The following MEF2C variants were observed in gnomAD, a reference collection of about 807,000 sequenced individuals.
MEF2C encodes the protein myocyte enhancer factor 2C.
In MEF2C, 6 loss-of-function variants were observed where a neutral mutation model predicts 50.5. The ratio of observed to expected loss-of-function variants is 0.12; its 90% CI spans 0.07 to 0.23. MEF2C has a LOEUF of 0.23. Among genes scored for constraint, MEF2C ranks in the 10% least tolerant of loss-of-function variants. The probability of loss-of-function intolerance (pLI) is 1.00; values close to 1 mark genes in which losing one functional copy is unlikely to be tolerated. For missense variants in MEF2C, 276 were observed against 605.0 expected (o/e 0.46, Z 5.70); for synonymous variants, 183 against 228.0 (o/e 0.80, Z 1.78).
chr5:88,740,899 C>G, intron 6 of MEF2C: 1 of 985,302 alleles, frequency 1.0e-6, no homozygotes, highest in Non-Finnish European at 1.2e-6. Flanking sequence ...TTGACACAAT[C>G]GCTCATTCTT....
chr5:88,804,478 T>A, intron 3 of MEF2C, 120 bp downstream of exon 3: 1 of 839,972 alleles, frequency 1.2e-6, no homozygotes, highest in Non-Finnish European at 1.9e-6. Context: ...CCTGGGTCTA[T>A]CTATGGGACT....
At chr5:88,821,339 G>A (rs1408001034) in intron 2 of MEF2C, among the ~76,000 whole-genome samples, 6 of 151,856 alleles carry the variant, frequency 4.0e-5, no homozygotes, top group African/African-American at 1.4e-4. Flanking sequence ...ACATGATCAC[G>A]GCTCACTGCA....
chr5:88,731,282 C>T (rs1411070087), intron 7 of MEF2C, among the ~76,000 whole-genome samples: 1 of 152,120 alleles, frequency 6.6e-6, no homozygotes, highest in Non-Finnish European at 1.5e-5. Context: ...TGCTAATTAA[C>T]AGGAGAAAGT....
At chr5:88,751,803 C>T (rs1297295629) in intron 5 of MEF2C, 54 bp downstream of exon 5, 80 of 1,566,312 alleles carry the variant, frequency 5.1e-5, no homozygotes, top group Non-Finnish European at 6.1e-5. Flanking sequence ...TTGGCTTTGC[C>T]GAAAATGGTT....
intron 3 of MEF2C, among the ~76,000 whole-genome samples, chr5:88,795,304 T>C (rs536856621): frequency 2.0e-5 from 3 of 152,332 alleles, no homozygotes; most frequent in Admixed American, 6.5e-5. Flanking sequence ...TTTGTTTGTG[T>C]CCTCTCTTAT....
At chr5:88,770,127 T>C in intron 3 of MEF2C, 1 of 437,382 alleles carries the variant, frequency 2.3e-6, no homozygotes, top group Non-Finnish European at 3.0e-6. Context: ...TAATATAAGA[T>C]CAGAGAACAG....
At chr5:88,730,098 A>T in intron 8 of MEF2C, 113 bp downstream of exon 8, 1 of 987,942 alleles carries the variant, frequency 1.0e-6, no homozygotes, top group Non-Finnish European at 1.5e-6. Flanking sequence ...AAACATAATC[A>T]ATGTTGACAT....
chr5:88,868,641 A>G (rs566502355), intron 1 of MEF2C, among the ~76,000 whole-genome samples: 1 of 152,292 alleles, frequency 6.6e-6, no homozygotes, highest in East Asian at 1.9e-4. Flanking sequence ...CGGTACTTTA[A>G]GGAGAAGAGA....
chr5:88,812,213 C>A (rs552580925), intron 2 of MEF2C, among the ~76,000 whole-genome samples: 2 of 152,152 alleles, frequency 1.3e-5, no homozygotes, highest in South Asian at 4.1e-4. Context: ...TAGTTTTTCT[C>A]GAGTACCTGG....
chr5:88,881,399 C>G (rs1832783100), intron 1 of MEF2C: 1 of 152,100 alleles, frequency 6.6e-6, no homozygotes, highest in African/African-American at 2.4e-5. Flanking sequence ...AATAATATGG[C>G]TTTTTAACTG....
At chr5:88,880,896 A>C (rs1215782505) in intron 1 of MEF2C, 2 of 152,164 alleles carry the variant, frequency 1.3e-5, no homozygotes, top group African/African-American at 4.8e-5. Context: ...TTGAAATAAA[A>C]AACAAATTAA....
chr5:88,787,618 A>G (rs1489025508), intron 3 of MEF2C, among the ~76,000 whole-genome samples: 1 of 152,252 alleles, frequency 6.6e-6, no homozygotes, highest in Non-Finnish European at 1.5e-5. Flanking sequence ...ATGAACTCTC[A>G]TAACAATGCT....
chr5:88,878,761 T>A (rs1233865055), intron 1 of MEF2C, among the ~76,000 whole-genome samples: 1 of 151,960 alleles, frequency 6.6e-6, no homozygotes, highest in Non-Finnish European at 1.5e-5. Context: ...AAAAATTATA[T>A]CTCTTTTAAG....
chr5:88,787,780 C>T lies in MEF2C; in HGVS notation c.258+16818G>A, dbSNP rs193285934. ...CTAATTAAGAAAAATCAGAAGAAAC[C>T]GTGTGCACGCATGATCTTTTCTTTC... On this transcript the variant is annotated intron_variant, in intron 3 of 10. Coordinates refer to ENST00000504921, the MANE Select transcript of MEF2C (RefSeq NM_002397.5). 3.3e-5 allele frequency among the ~76,000 whole-genome samples: 5 copies of T among 152,174 alleles called. No homozygotes were observed. In the East Asian group the frequency reaches 7.7e-4, roughly 23 times the overall value.
intron 8 of MEF2C, chr5:88,729,647 T>G (rs1184688850): frequency 6.2e-6 from 2 of 323,062 alleles, no homozygotes; most frequent in East Asian, 1.5e-4. Context: ...ATATGTATAC[T>G]GTACTTCCAT....
intron 3 of MEF2C, among the ~76,000 whole-genome samples, chr5:88,801,012 C>T (rs1346137511): frequency 2.6e-5 from 4 of 152,104 alleles, no homozygotes; most frequent in Non-Finnish European, 5.9e-5. Context: ...ATGATAATTA[C>T]GCAGAGCTTT....
intron 4 of MEF2C, among the ~76,000 whole-genome samples, chr5:88,760,702 CTG>C (rs1441882496): frequency 1.3e-5 from 2 of 152,176 alleles, no homozygotes; most frequent in Admixed American, 6.5e-5. Context: ...TTTGCATGGA[CTG>C]TGTGTTTAAA....
At chr5:88,843,225 A>G in intron 1 of MEF2C, 2 of 601,376 alleles carry the variant, frequency 3.3e-6, no homozygotes, top group Non-Finnish European at 4.1e-6. Flanking sequence ...TTTTTTTTTA[A>G]TTCTATGGTA....
At chr5:88,893,445 A>C (rs1170175395) in intron 1 of MEF2C, among the ~76,000 whole-genome samples, 1 of 150,608 alleles carries the variant, frequency 6.6e-6, no homozygotes, top group African/African-American at 2.4e-5. Flanking sequence ...TTGGTCTTGA[A>C]CTCCTGACCT....
Sources: allele counts gnomAD v4.1 joint callset (sites outside exome capture counted in the v4.1 genomes callset), GRCh38; gene constraint gnomAD v4.1.1; transcripts MANE v1.5; gene names NCBI Gene and HGNC (gene_info 2026-07-23, HGNC 2026-07-21).